MSRA: variants seen among roughly 807,000 people sequenced by gnomAD.
MSRA encodes mitochondrial peptide methionine sulfoxide reductase.
MSRA carries 54 observed loss-of-function variants against 31.3 expected under a neutral mutation model. The ratio of observed to expected loss-of-function variants is 1.73; its 90% CI spans 1.39 to 2.17. The LOEUF (loss-of-function observed/expected upper bound fraction) is 2.17. Among genes scored for constraint, MSRA ranks in the 30% most tolerant of loss-of-function variants. The probability of loss-of-function intolerance (pLI) is 0.00; values close to 1 mark genes in which losing one functional copy is unlikely to be tolerated. For missense variants in MSRA, 507 were observed against 300.9 expected, an observed-to-expected ratio of 1.69 and a Z score of -5.07; for synonymous variants, 169 against 116.5, an observed-to-expected ratio of 1.45 and a Z score of -2.90.
At chr8:10,280,479 GTTAT>G (rs1390107498) in intron 3 of MSRA, among the ~76,000 whole-genome samples, 3 of 152,048 alleles carry the variant, frequency 2.0e-5, no homozygotes, top group Non-Finnish European at 4.4e-5. Flanking sequence ...TCCTGTTTGA[GTTAT>G]TTAAAGTTAC....
In MSRA at chr8:10,129,580, G is replaced by A. The variant is rs117606482; in HGVS notation, c.142+74922G>A. ...AGAGAAGGGGAAGACCAGCTCAGGA[G>A]GAGGCCTGATTCTCATGCAGGCTTA... On this transcript the variant is annotated intron_variant, in intron 1 of 5. Coordinates refer to ENST00000317173, the MANE Select transcript of MSRA (RefSeq NM_012331.5). 1.3e-3 allele frequency among the ~76,000 whole-genome samples: 191 copies of A among 152,196 alleles called. 4 individuals are homozygous for A. The East Asian group carries it at 0.035, about 28-fold the overall frequency.
chr8:10,199,977 G>T (rs554169503), intron 1 of MSRA, among the ~76,000 whole-genome samples: 1 of 152,182 alleles, frequency 6.6e-6, no homozygotes, highest in South Asian at 2.1e-4. Flanking sequence ...CACCAAGGTG[G>T]GTTACTGTGC....
At chr8:10,207,547 G>A (rs948393981) in intron 1 of MSRA, among the ~76,000 whole-genome samples, 8 of 152,134 alleles carry the variant, frequency 5.3e-5, no homozygotes, top group African/African-American at 1.9e-4. Flanking sequence ...GCTGGGTGTC[G>A]GGAGCCTTCA....
At chr8:10,269,499 T>C (rs777744031) in intron 3 of MSRA, among the ~76,000 whole-genome samples, 2 of 152,210 alleles carry the variant, frequency 1.3e-5, no homozygotes, top group Non-Finnish European at 2.9e-5. Flanking sequence ...GCACCAGGCA[T>C]AGGTTTGTGT....
chr8:10,384,734 A>G (rs576234301), intron 5 of MSRA, among the ~76,000 whole-genome samples: 4 of 152,184 alleles, frequency 2.6e-5, no homozygotes, highest in East Asian at 1.9e-4. Context: ...ATGGCCAGGC[A>G]TGGTGGTTCA....
At chr8:10,095,880 T>C (rs1392035348) in intron 1 of MSRA, 5 of 1,279,702 alleles carry the variant, frequency 3.9e-6, no homozygotes, top group South Asian at 3.3e-5. Context: ...TTTGATTTTT[T>C]GCATGTATGA....
chr8:10,090,141 C>T (rs1000381470), intron 1 of MSRA, among the ~76,000 whole-genome samples: 13 of 152,160 alleles, frequency 8.5e-5, no homozygotes, highest in Admixed American at 5.9e-4. Context: ...GAAGCAGAGA[C>T]TTAATGCAGA....
chr8:10,171,229 A>G (rs998738337), intron 1 of MSRA, among the ~76,000 whole-genome samples: 27 of 152,168 alleles, frequency 1.8e-4, no homozygotes, highest in Non-Finnish European at 3.8e-4. Flanking sequence ...GTGAGTTTGA[A>G]TATGTTTTAG....
chr8:10,408,882 T>C (rs1423406292), intron 5 of MSRA, among the ~76,000 whole-genome samples: 1 of 152,234 alleles, frequency 6.6e-6, no homozygotes, highest in African/African-American at 2.4e-5. Flanking sequence ...TCCACATTGC[T>C]GCAAAAGACA....
At chr8:10,352,509 G>A (rs1315230292) in intron 5 of MSRA, among the ~76,000 whole-genome samples, 1 of 152,092 alleles carries the variant, frequency 6.6e-6, no homozygotes, top group African/African-American at 2.4e-5. Context: ...CTTTTATGTT[G>A]GTGAAAGAAT....
intron 5 of MSRA, among the ~76,000 whole-genome samples, chr8:10,343,436 A>G (rs1803568503): frequency 6.6e-6 from 1 of 152,230 alleles, no homozygotes; most frequent in South Asian, 2.1e-4. Context: ...AATAACCTGC[A>G]GCATGATGTA....
chr8:10,126,444 G>A (rs1801502604), intron 1 of MSRA, among the ~76,000 whole-genome samples: 1 of 152,186 alleles, frequency 6.6e-6, no homozygotes, highest in African/African-American at 2.4e-5. Context: ...CACAGACTGG[G>A]GGCAGGGGCG....
At chr8:10,067,966 C>A (rs1392943052) in intron 1 of MSRA, among the ~76,000 whole-genome samples, 1 of 146,746 alleles carries the variant, frequency 6.8e-6, no homozygotes, top group Non-Finnish European at 1.5e-5. Context: ...TCACCACAAC[C>A]TCTGCCTCCC....
chr8:10,238,758 T>C (rs1812159042), intron 2 of MSRA, among the ~76,000 whole-genome samples: 1 of 152,204 alleles, frequency 6.6e-6, no homozygotes, highest in African/African-American at 2.4e-5. Context: ...ATAAAAATTA[T>C]TTCCATATGG....
chr8:10,315,309 A>AGAAATTATT (rs1801649811), intron 4 of MSRA, among the ~76,000 whole-genome samples: 2 of 152,196 alleles, frequency 1.3e-5, no homozygotes, highest in South Asian at 4.1e-4. Context: ...CGTGTGCTAA[A>AGAAATTATT]GAAATTATTG....
intron 3 of MSRA, among the ~76,000 whole-genome samples, chr8:10,268,465 C>G (rs1363549867): frequency 6.6e-6 from 1 of 152,284 alleles, no homozygotes; most frequent in South Asian, 2.1e-4. Flanking sequence ...TAGGGTGGGG[C>G]ATTCATTACA....
chr8:10,253,086 G>A (rs2975700), intron 3 of MSRA, among the ~76,000 whole-genome samples: 2 of 152,154 alleles, frequency 1.3e-5, no homozygotes, highest in African/African-American at 4.8e-5. Context: ...ATTTTCTATA[G>A]CTTCAAATAA....
At chr8:10,077,435 A>G (rs1054286267) in intron 1 of MSRA, among the ~76,000 whole-genome samples, 1 of 146,838 alleles carries the variant, frequency 6.8e-6, no homozygotes, top group Non-Finnish European at 1.5e-5. Flanking sequence ...ATTTTGTACT[A>G]CTGTTTGTCA....
chr8:10,189,000 A>G (rs561987382), intron 1 of MSRA, among the ~76,000 whole-genome samples: 2 of 152,176 alleles, frequency 1.3e-5, no homozygotes, highest in Non-Finnish European at 2.9e-5. Flanking sequence ...TATGAACATG[A>G]TGTATCTTTC....
Sources: gnomAD v4.1 joint callset for allele counts (sites outside exome capture counted in the v4.1 genomes callset) on GRCh38, gnomAD v4.1.1 for gene constraint, MANE v1.5 for transcripts, NCBI Gene and HGNC (gene_info 2026-07-23, HGNC 2026-07-21) for gene names.